The following LARP4B variants were observed in gnomAD, a reference collection of about 807,000 sequenced individuals.
The protein encoded by LARP4B is la-related protein 4B.
Under a neutral mutation model 89.8 loss-of-function variants are expected in LARP4B, and 12 were observed. The ratio of observed to expected loss-of-function variants is 0.13; its 90% CI spans 0.09 to 0.22. LARP4B has a LOEUF of 0.22. LARP4B is among the 10% of genes least tolerant of loss of function. The pLI is 1.00. For missense variants in LARP4B, 757 were observed against 947.7 expected (o/e 0.80, Z 2.64); for synonymous variants, 367 against 363.3 (o/e 1.01, Z -0.12).
chr10:862,157 A>G (rs527738848), intron 5 of LARP4B, among the ~76,000 whole-genome samples: 1 of 150,826 alleles, frequency 6.6e-6, no homozygotes, highest in South Asian at 2.1e-4. Context: ...TGGCAAATTT[A>G]TATTTACAAG....
At chr10:960,397 G>A in the LARP4B span, among the ~76,000 whole-genome samples, 5 of 152,034 alleles carry the variant, frequency 3.3e-5, no homozygotes, top group African/African-American at 1.2e-4. Flanking sequence ...ACTAAGAACG[G>A]GAGGGAGGCG....
intron 5 of LARP4B, among the ~76,000 whole-genome samples, chr10:847,787 C>T (rs1833848503): frequency 2.0e-5 from 3 of 152,148 alleles, no homozygotes; most frequent in Admixed American, 2.0e-4. Flanking sequence ...CCTCAGCCTC[C>T]CAAAGTGCTG....
intron 1 of LARP4B, among the ~76,000 whole-genome samples, chr10:893,695 T>C (rs1425667831): frequency 1.3e-5 from 2 of 152,194 alleles, no homozygotes; most frequent in African/African-American, 4.8e-5. Context: ...GAGATGAGCC[T>C]GGGACATCTT....
At chr10:816,113 C>A (rs764195612) in intron 15 of LARP4B, among the ~76,000 whole-genome samples, 14 of 152,226 alleles carry the variant, frequency 9.2e-5, no homozygotes, top group Non-Finnish European at 1.6e-4. Flanking sequence ...CCTGTAGTCC[C>A]AGCTACTCGG....
intron 1 of LARP4B, among the ~76,000 whole-genome samples, chr10:922,720 A>T (rs1390820384): frequency 7.1e-6 from 1 of 140,348 alleles, no homozygotes; most frequent in Non-Finnish European, 1.6e-5. Context: ...AATAAATAAC[A>T]AGTATCACTG....
At chr10:910,795 A>G (rs1012236447) in intron 1 of LARP4B, among the ~76,000 whole-genome samples, 2 of 152,170 alleles carry the variant, frequency 1.3e-5, no homozygotes, top group African/African-American at 2.4e-5. Context: ...CTATCATTTG[A>G]AAATCTGGGC....
chr10:814,964 G>T lies in LARP4B; in HGVS notation c.1802C>A (p.Ser601Tyr), dbSNP rs1360942769. Residue 601 changes from serine (S) to tyrosine (Y), a missense_variant, in exon 16 of 18, where the codon TCC becomes TAC. By Grantham distance (144) the Ser-to-Tyr change is moderately radical. Transcript: ENST00000316157. The surrounding 1 kb of genome is among the most constrained non-coding windows in gnomAD (Gnocchi z 4.4). ...TACTCACTCGGGTAAATGAGCTGGG[G>T]AGGGGGATCGCTCGTACGTTGCTGA... ...AVSATYERSP[S>Y]PAHLPDDPKV... The T allele has an allele frequency of 6.2e-7, 1 of 1,602,124 alleles. No homozygotes were observed. Among genetic ancestry groups the T allele is most frequent in the East Asian group, 2.2e-5 (1 of 44,672 alleles).
chr10:894,884 T>C (rs932042993), intron 1 of LARP4B, among the ~76,000 whole-genome samples: 1 of 152,182 alleles, frequency 6.6e-6, no homozygotes, highest in African/African-American at 2.4e-5. Context: ...CTTCTATGTG[T>C]TTAAAACTGT....
chr10:820,741 G>C, intron 14 of LARP4B, 59 bp downstream of exon 14: 2 of 1,400,656 alleles, frequency 1.4e-6, no homozygotes, highest in Non-Finnish European at 2.0e-6. Context: ...TTAAATCTCA[G>C]GTTTGGTATA....
intron 15 of LARP4B, chr10:815,678 C>T (rs1327685714): frequency 6.6e-6 from 1 of 152,262 alleles, no homozygotes; most frequent in Admixed American, 6.5e-5. Flanking sequence ...CAGCCAGCGA[C>T]CCCTGTGCAG....
intron 5 of LARP4B, among the ~76,000 whole-genome samples, chr10:847,035 C>G (rs917133694): frequency 2.0e-5 from 3 of 152,022 alleles, no homozygotes; most frequent in Non-Finnish European, 4.4e-5. Flanking sequence ...TTAAAGAGCT[C>G]GACAAATGCT....
intron 1 of LARP4B, among the ~76,000 whole-genome samples, chr10:914,193 T>C (rs924032933): frequency 5.3e-5 from 8 of 152,174 alleles, no homozygotes; most frequent in African/African-American, 1.2e-4. Flanking sequence ...CTTCCTGGGT[T>C]TTTCACTGGA....
Position 825,126 on chromosome 10 carries a change from C to A in LARP4B, c.1423G>T (p.Ala475Ser). 6.2e-7 allele frequency: 1 copy of A among 1,614,234 alleles called. No homozygotes were observed. The highest frequency in any genetic ancestry group is 1.3e-5 in the African/African-American group (1 of 75,062). The change falls in exon 13 of 18, where the codon GCT becomes TCT. Residue 475 changes from alanine to serine, a missense_variant. Around this residue, in one of 5 missense-constraint regions of LARP4B, gnomAD observed 387 missense variants for 423.6 expected, o/e 0.91. Coordinates refer to ENST00000316157, the MANE Select transcript of LARP4B (RefSeq NM_015155.3). The stretch of plus-strand genomic sequence containing the variant: ...CCTGGCTCCACACGCCCAGGCCCAG[C>A]CTCTCTCTTGGCATATGCTGAAGGG... ...QNPSAYAKREAGPGRVEPGSL... is the reference protein window; with the variant it reads ...QNPSAYAKRESGPGRVEPGSL...
chr10:934,805 A>G (rs1482919892), upstream of LARP4B, among the ~76,000 whole-genome samples: 3 of 152,148 alleles, frequency 2.0e-5, no homozygotes, highest in Non-Finnish European at 4.4e-5. Context: ...AATCCTACCT[A>G]AAAACTCTTT....
chr10:934,280 C>G (rs1830720201), upstream of LARP4B, among the ~76,000 whole-genome samples: 1 of 151,810 alleles, frequency 6.6e-6, no homozygotes, highest in Non-Finnish European at 1.5e-5. Flanking sequence ...GCAGATCGCC[C>G]AAGGCCAAGA....
At chr10:909,236 G>T (rs566867780) in intron 1 of LARP4B, among the ~76,000 whole-genome samples, 1 of 150,432 alleles carries the variant, frequency 6.6e-6, no homozygotes, top group African/African-American at 2.5e-5. Flanking sequence ...GGAGCTTGCG[G>T]TGAGCCGAGA....
chr10:940,012 AT>A, the LARP4B span, among the ~76,000 whole-genome samples: 21,375 of 118,762 alleles, frequency 0.18, 2,332 homozygotes, highest in Non-Finnish European at 0.27. Flanking sequence ...CGCCCGGCTA[AT>A]TTTTTTTTTT....
intron 11 of LARP4B, among the ~76,000 whole-genome samples, chr10:829,101 G>A (rs1326361050): frequency 6.6e-6 from 1 of 152,200 alleles, no homozygotes; most frequent in Non-Finnish European, 1.5e-5. Flanking sequence ...CTGTGTAGGG[G>A]ACGCCAGGTA....
intron 14 of LARP4B, chr10:819,916 T>G (rs545355038): frequency 9.9e-4 from 151 of 152,384 alleles, no homozygotes; most frequent in African/African-American, 3.4e-3. Context: ...TTGTATGGAA[T>G]TCCACATCTG....
Sources: gnomAD v4.1 joint callset for allele counts (sites outside exome capture counted in the v4.1 genomes callset) on GRCh38, gnomAD v4.1.1 for gene constraint, gnomAD v4.1.1 regional missense constraint, Gnocchi (gnomAD v3.1) non-coding constraint, MANE v1.5 for transcripts, NCBI Gene and HGNC (gene_info 2026-07-23, HGNC 2026-07-21) for gene names.